Variants in VPS13B observed in about 807,000 individuals in gnomAD.
VPS13B encodes vacuolar protein sorting 13 homolog B, also known as intermembrane lipid transfer protein VPS13B.
VPS13B carries 285 observed loss-of-function variants against 426.4 expected under a neutral mutation model. That is an observed-to-expected ratio of 0.67 (90% CI 0.61 to 0.74). The LOEUF (loss-of-function observed/expected upper bound fraction) is 0.74, where lower values mean the gene tolerates loss of function less well. VPS13B is among the 30% of genes least tolerant of loss of function. The pLI, the probability that VPS13B is intolerant of heterozygous loss-of-function variation, is 0.00. For missense variants in VPS13B, 4,537 were observed against 4,782.6 expected (o/e 0.95, Z 1.51); for synonymous variants, 1,676 against 1,676.4 (o/e 1.00, Z 0.01).
In VPS13B at chr8:99,654,621, A is replaced by G. The variant is rs7016947; in HGVS notation, c.5909-6733A>G. Among the ~76,000 whole-genome samples, 1,406 of 152,300 alleles carry G rather than the reference A, an allele frequency of 9.2e-3. 17 individuals carry two copies. Among genetic ancestry groups the G allele is most frequent in the African/African-American group, 0.032 (1,322 of 41,572 alleles). Reference sequence around the variant, plus strand: ...TGTTCTGATAGTGACCTCTTATTGCAGAGGATTACACTTGAAGCCGTTGAG... The same window carrying G: ...TGTTCTGATAGTGACCTCTTATTGCGGAGGATTACACTTGAAGCCGTTGAG... On this transcript the variant is annotated intron_variant, in intron 34 of 61. Coordinates refer to ENST00000357162, the MANE Select transcript of VPS13B (RefSeq NM_152564.5).
In VPS13B at chr8:99,877,251, T is replaced by C. The variant is rs190613136; in HGVS notation, c.*1585T>C. The C allele has an allele frequency of 6.6e-6, 1 of 152,596 alleles. No homozygotes were observed. The highest frequency in any genetic ancestry group is 2.1e-4 in the South Asian group (1 of 4,832). 9.5% of individuals were successfully genotyped at this position (152,596 alleles called of 1,614,324 possible). A position where few individuals can be genotyped will look rare whatever the true frequency, so the allele number is the denominator to read the frequency against. ...AAGACTTAACGAACAATTCTGACTA[T>C]GAAAAATGTCTCTTTCAGTTTGTTC... On this transcript the variant is annotated 3_prime_UTR_variant, in exon 62 of 62. Coordinates refer to ENST00000357162, the MANE Select transcript of VPS13B (RefSeq NM_152564.5).
chr8:99,419,824 ATTGATTGT>A (rs1395414692), intron 21 of VPS13B, among the ~76,000 whole-genome samples: 1 of 152,190 alleles, frequency 6.6e-6, no homozygotes, highest in Non-Finnish European at 1.5e-5. Context: ...AAAGATATCA[ATTGATTGT>A]TTGATCGAGT....
intron 4 of VPS13B, among the ~76,000 whole-genome samples, chr8:99,099,399 G>A (rs1174224885): frequency 2.0e-5 from 3 of 152,176 alleles, no homozygotes; most frequent in South Asian, 4.1e-4. Context: ...GTCATCAACC[G>A]TGGCATTTCT....
chr8:99,308,699 A>G (rs767237884), intron 19 of VPS13B, among the ~76,000 whole-genome samples: 5 of 152,186 alleles, frequency 3.3e-5, no homozygotes, highest in Non-Finnish European at 5.9e-5. Flanking sequence ...ATCCCCAGTA[A>G]TGGGATGGCT....
chr8:99,310,179 TC>T (rs1461928860), intron 19 of VPS13B, among the ~76,000 whole-genome samples: 1 of 152,168 alleles, frequency 6.6e-6, no homozygotes, highest in Non-Finnish European at 1.5e-5. Context: ...TTTATTTCTT[TC>T]TCCTGCCTGA....
At chr8:99,778,231 C>CA (rs377457529) in intron 41 of VPS13B, among the ~76,000 whole-genome samples, 1,340 of 94,386 alleles carry the variant, frequency 0.014, 15 homozygotes, top group Middle Eastern at 0.071. Context: ...GACTCCATCT[C>CA]AAAAAAAAAA....
chr8:99,510,912 T>TA (rs1406866972), intron 28 of VPS13B, among the ~76,000 whole-genome samples, 192 bp from the exon 29 acceptor site: 1 of 152,212 alleles, frequency 6.6e-6, no homozygotes, highest in Non-Finnish European at 1.5e-5. Context: ...TTCCCATCTT[T>TA]AGTTCAGTCA....
chr8:99,419,792 A>G (rs1033449641), intron 21 of VPS13B, among the ~76,000 whole-genome samples: 11 of 152,082 alleles, frequency 7.2e-5, no homozygotes, highest in Non-Finnish European at 1.2e-4. Flanking sequence ...GAAGGTACAC[A>G]TATGATTTGT....
intron 19 of VPS13B, among the ~76,000 whole-genome samples, chr8:99,330,875 C>T (rs1810507784): frequency 6.6e-6 from 1 of 151,502 alleles, no homozygotes; most frequent in Non-Finnish European, 1.5e-5. Context: ...TCTTTTGTTC[C>T]CCCTTGTCTT....
At chr8:99,766,566 A>G (rs939378374) in intron 39 of VPS13B, among the ~76,000 whole-genome samples, 1 of 152,262 alleles carries the variant, frequency 6.6e-6, no homozygotes, top group South Asian at 2.1e-4. Context: ...GGCTGTTTTT[A>G]TATATTATTC....
At chr8:99,387,768 G>A (rs1430782042) in intron 20 of VPS13B, among the ~76,000 whole-genome samples, 4 of 151,920 alleles carry the variant, frequency 2.6e-5, no homozygotes, top group East Asian at 1.9e-4. Flanking sequence ...AAAAAATGCC[G>A]ATATACAAGT....
chr8:99,392,476 C>A (rs924949736), intron 21 of VPS13B, among the ~76,000 whole-genome samples: 3 of 151,176 alleles, frequency 2.0e-5, no homozygotes, highest in Non-Finnish European at 4.4e-5. Context: ...AGCTTTATTT[C>A]TTATAACGCA....
At chr8:99,624,032 T>TTC (rs1828491287) in intron 33 of VPS13B, among the ~76,000 whole-genome samples, 2 of 120,200 alleles carry the variant, frequency 1.7e-5, no homozygotes, top group African/African-American at 3.0e-5. Flanking sequence ...TTTTTTTTTT[T>TTC]CTGTGTGAAC....
chr8:99,414,282 T>G (rs187173722), intron 21 of VPS13B, among the ~76,000 whole-genome samples: 25 of 149,734 alleles, frequency 1.7e-4, no homozygotes, highest in African/African-American at 4.9e-4. Flanking sequence ...TAGATCTTCC[T>G]CCATCCCTTT....
intron 19 of VPS13B, among the ~76,000 whole-genome samples, chr8:99,313,050 A>G (rs1178091584): frequency 1.3e-5 from 2 of 152,018 alleles, no homozygotes; most frequent in African/African-American, 4.8e-5. Flanking sequence ...TGCATTGGTT[A>G]TTCTAGTTAG....
chr8:99,376,429 G>A (rs951718797), intron 19 of VPS13B, among the ~76,000 whole-genome samples: 6 of 152,132 alleles, frequency 3.9e-5, no homozygotes, highest in East Asian at 3.9e-4. Context: ...TATAACATTC[G>A]TAAATTTTAA....
chr8:99,357,525 T>C (rs1812244037), intron 19 of VPS13B, among the ~76,000 whole-genome samples: 1 of 152,200 alleles, frequency 6.6e-6, no homozygotes, highest in Admixed American at 6.5e-5. Flanking sequence ...TTTGTGTGCC[T>C]AATAAAGTTT....
intron 39 of VPS13B, among the ~76,000 whole-genome samples, chr8:99,765,819 T>C (rs959537301): frequency 2.0e-5 from 3 of 152,224 alleles, no homozygotes; most frequent in African/African-American, 7.2e-5. Flanking sequence ...CTTTTTAAAA[T>C]TTGATTTTAT....
At chr8:99,589,387 G>A (rs1352278876) in intron 33 of VPS13B, among the ~76,000 whole-genome samples, 1 of 151,440 alleles carries the variant, frequency 6.6e-6, no homozygotes, top group Non-Finnish European at 1.5e-5. Context: ...CCCAGTGTGT[G>A]ATGTTCCCCT....
Sources: allele counts gnomAD v4.1 joint callset (sites outside exome capture counted in the v4.1 genomes callset), GRCh38; gene constraint gnomAD v4.1.1; transcripts MANE v1.5; gene names NCBI Gene and HGNC (gene_info 2026-07-23, HGNC 2026-07-21).